The following BTRC variants were observed in gnomAD, a reference collection of about 807,000 sequenced individuals.
BTRC encodes the protein beta-transducin repeat containing E3 ubiquitin protein ligase.
Under a neutral mutation model 85.5 loss-of-function variants are expected in BTRC, and 42 were observed. That is an observed-to-expected ratio of 0.49 (90% CI 0.38 to 0.64). The LOEUF (loss-of-function observed/expected upper bound fraction) is 0.64. BTRC is among the 30% of genes least tolerant of loss of function. The pLI is 0.00. For missense variants in BTRC, 594 were observed against 743.5 expected, an observed-to-expected ratio of 0.80 and a Z score of 2.34; for synonymous variants, 255 against 263.3, an observed-to-expected ratio of 0.97 and a Z score of 0.30.
chr10:101,524,329 CTG>C (rs2062160352), intron 5 of BTRC, among the ~76,000 whole-genome samples: 1 of 152,158 alleles, frequency 6.6e-6, no homozygotes, highest in African/African-American at 2.4e-5. Context: ...TCCCCAGTCA[CTG>C]AGACATGTTA....
rs2062683266 is a variant in BTRC, at chr10:101,553,491, C to G, written c.*368C>G. 1 of 152,628 alleles carries G rather than the reference C, an allele frequency of 6.6e-6. No individual in the cohort carries two copies. Among genetic ancestry groups the G allele is most frequent in the South Asian group, 2.1e-4 (1 of 4,828 alleles). 9.5% of individuals were successfully genotyped at this position (152,628 alleles called of 1,614,324 possible). On this transcript the variant is annotated 3_prime_UTR_variant, in exon 15 of 15. Coordinates refer to ENST00000370187, the MANE Select transcript of BTRC (RefSeq NM_033637.4). ...TATATTTAGTGTTTTGCCAGAATCT[C>G]TCTTGCTTTGCCATTAAGCAGAAGA...
chr10:101,375,605 A>G (rs1942769664), intron 1 of BTRC, among the ~76,000 whole-genome samples: 1 of 152,246 alleles, frequency 6.6e-6, no homozygotes, highest in Non-Finnish European at 1.5e-5. Context: ...AATACTAGAA[A>G]CAGGTAGCAA....
At chr10:101,431,776 A>G (rs745373191) in intron 2 of BTRC, among the ~76,000 whole-genome samples, 3 of 152,214 alleles carry the variant, frequency 2.0e-5, no homozygotes, top group Non-Finnish European at 2.9e-5. Context: ...TAATGATACT[A>G]TTTAGTGATC....
intron 1 of BTRC, among the ~76,000 whole-genome samples, chr10:101,381,848 T>C (rs145388143): frequency 1.4e-3 from 207 of 152,154 alleles, no homozygotes; most frequent in African/African-American, 4.8e-3. Flanking sequence ...AGAGCATCCT[T>C]ATTCCTAACC....
At chr10:101,475,488 C>T (rs963557994) in intron 3 of BTRC, among the ~76,000 whole-genome samples, 1 of 152,056 alleles carries the variant, frequency 6.6e-6, no homozygotes, top group Non-Finnish European at 1.5e-5. Context: ...TACAGTGAGC[C>T]GAGATTGCAC....
intron 1 of BTRC, among the ~76,000 whole-genome samples, chr10:101,408,691 G>A (rs772574033): frequency 6.6e-6 from 1 of 151,876 alleles, no homozygotes; most frequent in Non-Finnish European, 1.5e-5. Context: ...GCCTTCTATT[G>A]GCTTACTAGG....
At chr10:101,527,374 T>C (rs1400647579) in intron 6 of BTRC, among the ~76,000 whole-genome samples, 1 of 152,212 alleles carries the variant, frequency 6.6e-6, no homozygotes, top group Non-Finnish European at 1.5e-5. Context: ...TTTATCATTC[T>C]GGCTATTAGG....
At chr10:101,536,514 A>G (rs1383212700) in intron 11 of BTRC, 29 bp from the exon 12 acceptor site, 2 of 1,542,796 alleles carry the variant, frequency 1.3e-6, no homozygotes, top group East Asian at 2.2e-5. Context: ...AATACGTGAA[A>G]ATTCACCTGA....
intron 1 of BTRC, among the ~76,000 whole-genome samples, chr10:101,406,171 C>T (rs1328999443): frequency 6.6e-6 from 1 of 151,260 alleles, no homozygotes; most frequent in East Asian, 1.9e-4. Flanking sequence ...CTCTTTATTA[C>T]TGCTTATACT....
intron 2 of BTRC, among the ~76,000 whole-genome samples, chr10:101,453,314 T>G (rs1944996096): frequency 6.6e-6 from 1 of 152,208 alleles, no homozygotes; most frequent in Non-Finnish European, 1.5e-5. Flanking sequence ...ATTTTTAAAA[T>G]GTGTTCAAAA....
chr10:101,501,667 G>A (rs1287187658), intron 4 of BTRC, among the ~76,000 whole-genome samples: 1 of 152,112 alleles, frequency 6.6e-6, no homozygotes, highest in Non-Finnish European at 1.5e-5. Flanking sequence ...CGTATTTATA[G>A]TGCTCCATAT....
At chr10:101,411,081 T>C (rs12784510) in intron 1 of BTRC, among the ~76,000 whole-genome samples, 54,347 of 150,316 alleles carry the variant, frequency 0.36, 10,903 homozygotes, top group Middle Eastern at 0.48. Flanking sequence ...CTGCAACCTC[T>C]GCCTCCTGGG....
intron 13 of BTRC, among the ~76,000 whole-genome samples, chr10:101,544,117 G>A (rs1441455880): frequency 6.6e-6 from 1 of 152,124 alleles, no homozygotes; most frequent in Non-Finnish European, 1.5e-5. Flanking sequence ...CACCATGTTA[G>A]CCAAGATGGT....
intron 4 of BTRC, among the ~76,000 whole-genome samples, chr10:101,508,202 T>C (rs904732561): frequency 2.0e-5 from 3 of 152,236 alleles, no homozygotes; most frequent in Admixed American, 6.5e-5. Flanking sequence ...GAAAAAAAGA[T>C]TGGCAAGTGT....
At chr10:101,406,524 C>CTT (rs58902120) in intron 1 of BTRC, among the ~76,000 whole-genome samples, 1,681 of 50,492 alleles carry the variant, frequency 0.033, 487 homozygotes, top group South Asian at 0.093. Context: ...TCTCAGGTTT[C>CTT]TTTTTTTTTT....
chr10:101,413,688 T>C (rs1589437277), intron 1 of BTRC, among the ~76,000 whole-genome samples: 1 of 152,326 alleles, frequency 6.6e-6, no homozygotes, highest in East Asian at 1.9e-4. Context: ...AAAAAAACTT[T>C]ATATTAAAAG....
At chr10:101,472,755 C>G (rs1475055574) in intron 3 of BTRC, among the ~76,000 whole-genome samples, 1 of 152,098 alleles carries the variant, frequency 6.6e-6, no homozygotes. Context: ...ACGGAGGTTG[C>G]GGTGAAATAA....
chr10:101,482,647 A>C (rs1437329415), intron 4 of BTRC, among the ~76,000 whole-genome samples: 4 of 151,978 alleles, frequency 2.6e-5, no homozygotes, highest in Non-Finnish European at 5.9e-5. Flanking sequence ...CGCTTGCCTC[A>C]GCCTCCCAAA....
At chr10:101,538,780 G>A (rs1172606208) in intron 13 of BTRC, among the ~76,000 whole-genome samples, 1 of 152,114 alleles carries the variant, frequency 6.6e-6, no homozygotes, top group African/African-American at 2.4e-5. Context: ...GGGTGCGGTG[G>A]CTCATGCCTA....
Sources: gnomAD v4.1 joint callset for allele counts (sites outside exome capture counted in the v4.1 genomes callset) on GRCh38, gnomAD v4.1.1 for gene constraint, MANE v1.5 for transcripts, NCBI Gene and HGNC (gene_info 2026-07-23, HGNC 2026-07-21) for gene names.